TTC28: variants seen among roughly 807,000 people sequenced by gnomAD.
TTC28 encodes tetratricopeptide repeat protein 28.
In TTC28, 61 loss-of-function variants were observed where a neutral mutation model predicts 198.0. The observed-to-expected ratio is 0.31, with a 90% confidence interval of 0.25 to 0.38. TTC28 has a LOEUF of 0.38. Among genes scored for constraint, TTC28 ranks in the 10% least tolerant of loss-of-function variants. The probability of loss-of-function intolerance (pLI) is 1.00; values close to 1 mark genes in which losing one functional copy is unlikely to be tolerated. For missense variants in TTC28, 2,678 were observed against 3,164.0 expected (o/e 0.85, Z 3.69); for synonymous variants, 1,171 against 1,297.8 (o/e 0.90, Z 2.10).
intron 17 of TTC28, among the ~76,000 whole-genome samples, chr22:27,994,862 G>T (rs1937524060): frequency 6.6e-6 from 1 of 152,188 alleles, no homozygotes; most frequent in African/African-American, 2.4e-5. Flanking sequence ...CAAGGACGGA[G>T]GGACTTCGGG....
chr22:28,360,699 T>A (rs1437655479), intron 2 of TTC28, among the ~76,000 whole-genome samples: 3 of 152,166 alleles, frequency 2.0e-5, no homozygotes, highest in African/African-American at 7.2e-5. Flanking sequence ...AAATGACTGA[T>A]TGTATAGGCA....
intron 5 of TTC28, among the ~76,000 whole-genome samples, chr22:28,229,140 A>G: frequency 6.6e-6 from 1 of 152,236 alleles, no homozygotes; most frequent in Non-Finnish European, 1.5e-5. Context: ...TGGGCGACAG[A>G]GCAAGACTCC....
intron 2 of TTC28, among the ~76,000 whole-genome samples, chr22:28,335,121 C>T (rs1482768207): frequency 6.6e-6 from 1 of 152,106 alleles, no homozygotes; most frequent in Admixed American, 6.5e-5. Context: ...AATCCTTTCC[C>T]CATTGCTTGT....
chr22:28,098,845 T>G, intron 10 of TTC28, 70 bp downstream of exon 10: 1 of 1,505,412 alleles, frequency 6.6e-7, no homozygotes, highest in East Asian at 2.5e-5. Context: ...CTAAACAACT[T>G]GGACACATGG....
intron 2 of TTC28, among the ~76,000 whole-genome samples, chr22:28,371,652 A>C (rs2046339208): frequency 1.0e-5 from 1 of 98,842 alleles, no homozygotes; most frequent in Admixed American, 1.5e-4. Flanking sequence ...CACTGATCTC[A>C]GCTCACTGCA....
chr22:28,290,456 G>A (rs1461831597), intron 5 of TTC28, among the ~76,000 whole-genome samples: 1 of 152,034 alleles, frequency 6.6e-6, no homozygotes, highest in Non-Finnish European at 1.5e-5. Flanking sequence ...TGTAACATAA[G>A]AACAGAGATG....
At chr22:28,422,597 C>A (rs576745623) in intron 2 of TTC28, among the ~76,000 whole-genome samples, 1 of 152,044 alleles carries the variant, frequency 6.6e-6, no homozygotes, top group African/African-American at 2.4e-5. Context: ...CGCCACCACG[C>A]CTGGCTAATT....
chr22:28,316,458 T>A (rs1239969232), intron 2 of TTC28, among the ~76,000 whole-genome samples: 1 of 152,266 alleles, frequency 6.6e-6, no homozygotes, highest in South Asian at 2.1e-4. Context: ...CTTTTTAGAC[T>A]CAGATGTCTA....
At chr22:28,654,430 C>T (rs1019277877) in intron 1 of TTC28, among the ~76,000 whole-genome samples, 5 of 152,160 alleles carry the variant, frequency 3.3e-5, no homozygotes, top group African/African-American at 1.2e-4. Flanking sequence ...TGGGTTCAAG[C>T]GATTCTCCTG....
At chr22:28,642,207 GATTA>G (rs757547117) in intron 1 of TTC28, among the ~76,000 whole-genome samples, 29 of 147,138 alleles carry the variant, frequency 2.0e-4, no homozygotes, top group Non-Finnish European at 3.3e-4. Flanking sequence ...TTTTAAATTT[GATTA>G]ATAAAAAAAA....
At chr22:28,395,502 G>A (rs1158873234) in intron 2 of TTC28, among the ~76,000 whole-genome samples, 1 of 151,672 alleles carries the variant, frequency 6.6e-6, no homozygotes. Flanking sequence ...AGTGGTGGTG[G>A]GCACCCGTAG....
At chr22:28,276,840 T>G (rs772836491) in intron 5 of TTC28, among the ~76,000 whole-genome samples, 3 of 152,184 alleles carry the variant, frequency 2.0e-5, no homozygotes, top group Non-Finnish European at 4.4e-5. Context: ...CTGATCAACA[T>G]AGTTAACTCC....
At chr22:28,606,763 A>G (rs1248074705) in intron 2 of TTC28, among the ~76,000 whole-genome samples, 1 of 152,212 alleles carries the variant, frequency 6.6e-6, no homozygotes, top group African/African-American at 2.4e-5. Flanking sequence ...TGTCTTTAAC[A>G]CATATAAAAT....
intron 6 of TTC28, among the ~76,000 whole-genome samples, chr22:28,126,869 G>A (rs1942927023): frequency 6.6e-6 from 1 of 152,046 alleles, no homozygotes; most frequent in East Asian, 1.9e-4. Flanking sequence ...TTGATTGCAG[G>A]GATATGACAG....
intron 2 of TTC28, among the ~76,000 whole-genome samples, chr22:28,498,499 G>A (rs973831366): frequency 3.3e-5 from 5 of 152,140 alleles, no homozygotes; most frequent in Non-Finnish European, 7.4e-5. Flanking sequence ...AAGCCCATAT[G>A]TTAATCCTTT....
chr22:28,265,894 T>C (rs1184685540), intron 5 of TTC28, among the ~76,000 whole-genome samples: 7 of 152,090 alleles, frequency 4.6e-5, no homozygotes, highest in African/African-American at 1.4e-4. Context: ...TACAATTATT[T>C]TAAAAGTTTC....
chr22:28,560,210 C>T (rs1271093511), intron 2 of TTC28, among the ~76,000 whole-genome samples: 1 of 152,162 alleles, frequency 6.6e-6, no homozygotes, highest in Non-Finnish European at 1.5e-5. Context: ...AAAACATATC[C>T]TAAATCCAGC....
chr22:28,641,086 G>A (rs2051357170), intron 1 of TTC28, among the ~76,000 whole-genome samples: 1 of 152,164 alleles, frequency 6.6e-6, no homozygotes, highest in Admixed American at 6.5e-5. Flanking sequence ...AGCACTATGG[G>A]AGGCCGAGGT....
chr22:28,209,765 T>C (rs902652031), intron 5 of TTC28, among the ~76,000 whole-genome samples: 4 of 152,196 alleles, frequency 2.6e-5, no homozygotes, highest in African/African-American at 7.2e-5. Flanking sequence ...TAAACTTCCC[T>C]GTCTGACACT....
Sources: gnomAD v4.1 joint callset for allele counts (sites outside exome capture counted in the v4.1 genomes callset) on GRCh38, gnomAD v4.1.1 for gene constraint, MANE v1.5 for transcripts, NCBI Gene and HGNC (gene_info 2026-07-23, HGNC 2026-07-21) for gene names.